Variants in SEMA3A observed in about 807,000 individuals in gnomAD.
SEMA3A encodes the protein semaphorin-3A.
A neutral mutation model predicts 97.9 loss-of-function variants in SEMA3A; 29 were observed. The observed-to-expected ratio is 0.30, with a 90% CI of 0.22 to 0.40. The LOEUF is 0.40. SEMA3A is among the 10% of genes least tolerant of loss of function. SEMA3A has a pLI of 1.00. For synonymous variants in SEMA3A, 321 were observed against 323.7 expected, an observed-to-expected ratio of 0.99 and a Z score of 0.09; for missense variants, 763 against 951.3, an observed-to-expected ratio of 0.80 and a Z score of 2.60.
chr7:84,026,825 C>G (rs1043172520), intron 6 of SEMA3A, among the ~76,000 whole-genome samples: 1 of 151,908 alleles, frequency 6.6e-6, no homozygotes, highest in Non-Finnish European at 1.5e-5. Context: ...AAGAAGGGAA[C>G]AGACACTGGA....
intron 2 of SEMA3A, among the ~76,000 whole-genome samples, chr7:84,351,162 T>C (rs1243803152): frequency 2.6e-5 from 4 of 151,576 alleles, no homozygotes; most frequent in African/African-American, 9.7e-5. Flanking sequence ...AGGGCAAAAA[T>C]TCATTCATCG....
intron 2 of SEMA3A, among the ~76,000 whole-genome samples, chr7:84,365,634 T>C: frequency 6.6e-6 from 1 of 151,606 alleles, no homozygotes; most frequent in East Asian, 1.9e-4. Context: ...ACATTTTTAA[T>C]ATGCTGACTT....
intron 1 of SEMA3A, among the ~76,000 whole-genome samples, chr7:84,160,583 A>C (rs950664016): frequency 6.6e-6 from 1 of 151,650 alleles, no homozygotes; most frequent in Admixed American, 6.6e-5. Flanking sequence ...AACAAACAAA[A>C]AAATTCCATA....
At chr7:84,098,414 G>A (rs1354265067) in intron 4 of SEMA3A, among the ~76,000 whole-genome samples, 1 of 151,984 alleles carries the variant, frequency 6.6e-6, no homozygotes, top group Non-Finnish European at 1.5e-5. Flanking sequence ...TAGAAGTAAG[G>A]TAGGTGGGTT....
At chr7:84,357,455 G>C (rs1176845679) in intron 2 of SEMA3A, among the ~76,000 whole-genome samples, 1 of 151,996 alleles carries the variant, frequency 6.6e-6, no homozygotes, top group Admixed American at 6.6e-5. Flanking sequence ...TCCCTACAAA[G>C]GACATGAACT....
chr7:84,086,471 G>GATTATATTATATTTACATATAATA (rs1562769920), intron 4 of SEMA3A, among the ~76,000 whole-genome samples: 1 of 13,006 alleles, frequency 7.7e-5, no homozygotes, highest in African/African-American at 2.2e-4. Context: ...TATATAATAT[G>GATTATATTATATTTACATATAATA]TATTATTATA....
At chr7:84,434,783 C>T (rs932019529) in intron 1 of SEMA3A, among the ~76,000 whole-genome samples, 3 of 152,014 alleles carry the variant, frequency 2.0e-5, no homozygotes, top group African/African-American at 4.8e-5. Context: ...TCAATAAATA[C>T]AGAAAAGCCT....
intron 1 of SEMA3A, among the ~76,000 whole-genome samples, chr7:84,430,611 G>A (rs144162467): frequency 2.5e-3 from 387 of 152,086 alleles, no homozygotes; most frequent in Non-Finnish European, 3.4e-3. Flanking sequence ...GTAACTCTTT[G>A]TATGTAACAT....
chr7:84,326,671 T>C (rs962960798), intron 2 of SEMA3A, among the ~76,000 whole-genome samples: 1 of 151,976 alleles, frequency 6.6e-6, no homozygotes, highest in Non-Finnish European at 1.5e-5. Flanking sequence ...CACAATATCA[T>C]AGACCTGTTT....
At chr7:84,064,356 A>AT (rs1562749419) in intron 4 of SEMA3A, among the ~76,000 whole-genome samples, 1 of 152,158 alleles carries the variant, frequency 6.6e-6, no homozygotes, top group Non-Finnish European at 1.5e-5. Context: ...AATAAACTGC[A>AT]TCAACTAACG....
chr7:83,982,639 T>C (rs963093284), intron 13 of SEMA3A, among the ~76,000 whole-genome samples: 5 of 152,160 alleles, frequency 3.3e-5, no homozygotes, highest in African/African-American at 1.2e-4. Flanking sequence ...AAGTGTATTT[T>C]AGTTTCTCTA....
intron 5 of SEMA3A, among the ~76,000 whole-genome samples, chr7:84,047,916 G>C (rs544177147): frequency 6.6e-6 from 1 of 151,558 alleles, no homozygotes; most frequent in African/African-American, 2.4e-5. Flanking sequence ...CCTTTGTCTC[G>C]CTTATATGTC....
At chr7:84,350,220 A>T (rs1224070317) in intron 2 of SEMA3A, among the ~76,000 whole-genome samples, 1 of 151,988 alleles carries the variant, frequency 6.6e-6, no homozygotes, top group South Asian at 2.1e-4. Flanking sequence ...TTTAATTGTC[A>T]TTATCTTTGT....
chr7:84,055,536 T>G (rs1792930597), intron 5 of SEMA3A, among the ~76,000 whole-genome samples: 1 of 152,228 alleles, frequency 6.6e-6, no homozygotes, highest in Non-Finnish European at 1.5e-5. Flanking sequence ...GCTTCCCGAG[T>G]GAGGCTATGC....
chr7:84,304,176 C>CA (rs1350284918), intron 3 of SEMA3A, among the ~76,000 whole-genome samples: 1 of 151,952 alleles, frequency 6.6e-6, no homozygotes, highest in African/African-American at 2.4e-5. Context: ...GTTTAAAAAC[C>CA]AGAAACATGG....
chr7:84,405,399 TC>T (rs1489390150), intron 1 of SEMA3A, among the ~76,000 whole-genome samples: 1 of 152,148 alleles, frequency 6.6e-6, no homozygotes, highest in Non-Finnish European at 1.5e-5. Flanking sequence ...ATAAAGCAAG[TC>T]CTTAGTGACC....
At chr7:84,203,433 A>C (rs2116301814) in intron 3 of SEMA3A, among the ~76,000 whole-genome samples, 1 of 147,202 alleles carries the variant, frequency 6.8e-6, no homozygotes, top group Non-Finnish European at 1.5e-5. Flanking sequence ...AATGTATACT[A>C]ATTAAAATAT....
intron 3 of SEMA3A, among the ~76,000 whole-genome samples, chr7:84,218,054 A>C (rs1365387372): frequency 6.6e-6 from 1 of 152,118 alleles, no homozygotes; most frequent in Non-Finnish European, 1.5e-5. Flanking sequence ...TTTATTTCAA[A>C]ATGTCTTGGT....
At chr7:83,992,529 T>G (rs575326281) in intron 12 of SEMA3A, among the ~76,000 whole-genome samples, 3 of 152,128 alleles carry the variant, frequency 2.0e-5, no homozygotes, top group Non-Finnish European at 2.9e-5. Context: ...TCTTTGTTGT[T>G]GTTGGTTTCA....
Sources: allele counts gnomAD v4.1 joint callset (sites outside exome capture counted in the v4.1 genomes callset), GRCh38; gene constraint gnomAD v4.1.1; transcripts MANE v1.5; gene names NCBI Gene and HGNC (gene_info 2026-07-23, HGNC 2026-07-21).